Variants in SLC26A6 observed in about 807,000 individuals in gnomAD.
SLC26A6 encodes the protein anion exchange transporter.
A neutral mutation model predicts 87.1 loss-of-function variants in SLC26A6; 67 were observed. That is an observed-to-expected ratio of 0.77 (90% CI 0.63 to 0.94). SLC26A6 has a LOEUF of 0.94. Ranked by LOEUF, SLC26A6 falls within the 40% of genes least tolerant of loss-of-function variation. The probability of loss-of-function intolerance (pLI) is 0.00; values close to 1 mark genes in which losing one functional copy is unlikely to be tolerated. For missense variants in SLC26A6, 902 were observed against 973.0 expected, an observed-to-expected ratio of 0.93 and a Z score of 0.97; for synonymous variants, 414 against 405.9, an observed-to-expected ratio of 1.02 and a Z score of -0.24.
In SLC26A6 at chr3:48,626,694, G is replaced by A. The variant is rs1559463771; in HGVS notation, c.2074-9C>T. The A allele has an allele frequency of 1.2e-6, 2 of 1,614,066 alleles. No individual in the cohort carries two copies. The highest frequency in any genetic ancestry group is 1.7e-6 in the Non-Finnish European group (2 of 1,180,040). Reference sequence around the variant, plus strand: ...CGGAAGTCATGGAAAATCTGTAGCGGAAAAGGGGGCCAGCCTCAGAGGGAG... The same window carrying A: ...CGGAAGTCATGGAAAATCTGTAGCGAAAAAGGGGGCCAGCCTCAGAGGGAG... On this transcript the variant is annotated splice_polypyrimidine_tract_variant and intron_variant, in intron 18 of 20. Coordinates refer to ENST00000395550, the MANE Select transcript of SLC26A6 (RefSeq NM_022911.3).
At chr3:48,634,699 G>A (rs529059023) in intron 1 of SLC26A6, 2 of 984,810 alleles carry the variant, frequency 2.0e-6, no homozygotes, top group East Asian at 1.1e-4. Flanking sequence ...CTGACCTGGG[G>A]AGAGGATCCC....
At chr3:48,632,780 G>C in intron 4 of SLC26A6, 194 bp downstream of exon 4, 1 of 685,394 alleles carries the variant, frequency 1.5e-6, no homozygotes, top group Non-Finnish European at 2.6e-6. Flanking sequence ...CCAGGGCTTT[G>C]AGGTCACCTG....
chr3:48,631,850 C>G (rs1429214218), intron 6 of SLC26A6, 30 bp downstream of exon 6: 4 of 1,613,176 alleles, frequency 2.5e-6, no homozygotes, highest in Non-Finnish European at 3.4e-6. Context: ...TGGGGCACAC[C>G]TACCCCTCCC....
chr3:48,626,896 A>G lies in SLC26A6; in HGVS notation c.2053T>C (p.Cys685Arg). ...LGALSFVDTV[C>R]LKSLKNIFHD... ...CTTACATTCTTCAGGCTCTTGAGGC[A>G]CACAGTGTCCACAAAGGAGAGGGCA... Residue 685 changes from cysteine (C) to arginine (R), a missense_variant, in exon 18 of 21, where the codon TGC (cysteine) becomes CGC (arginine). Around this residue, in one of 3 missense-constraint regions of SLC26A6, gnomAD observed 99 missense variants for 100.1 expected, o/e 0.99. Transcript: ENST00000395550. 6.2e-7 allele frequency: 1 copy of G among 1,613,978 alleles called. No homozygotes were observed. The highest frequency in any genetic ancestry group is 8.5e-7 in the Non-Finnish European group (1 of 1,179,938).
Position 48,625,805 on chromosome 3 carries a change from T to C in SLC26A6, c.*181A>G, listed in dbSNP as rs1245713789. On this transcript the variant is annotated 3_prime_UTR_variant, in exon 21 of 21. Transcript: ENST00000395550. The surrounding 1 kb of genome is among the most constrained non-coding windows in gnomAD (Gnocchi z 4.7). ...CCGCGCCACTGCCAGCCTGACTGCATGCAGGCCCTGTCCCAGACCTGGAGC... is the reference window on the plus strand; with the variant it reads ...CCGCGCCACTGCCAGCCTGACTGCACGCAGGCCCTGTCCCAGACCTGGAGC... 8 of 707,454 alleles carry C rather than the reference T, an allele frequency of 1.1e-5. No homozygotes were observed. The Admixed American group carries it at 1.6e-4, about 14-fold the overall frequency. The allele number at this position is 707,454 out of a possible 1,614,324, so 43.8% of individuals were successfully genotyped here.
chr3:48,633,873 C>G, intron 1 of SLC26A6: 1 of 1,407,628 alleles, frequency 7.1e-7, no homozygotes, highest in Non-Finnish European at 9.2e-7. Context: ...CAAGTAGGGA[C>G]TGCAGGATGA....
chr3:48,627,400 G>C (rs892195699), intron 17 of SLC26A6: 1 of 286,738 alleles, frequency 3.5e-6, no homozygotes, highest in African/African-American at 2.2e-5. Context: ...CACATGAAAC[G>C]CATGCAGACA....
chr3:48,632,104 C>T (rs555023226), intron 5 of SLC26A6, 60 bp from the exon 6 acceptor site: 36 of 1,602,398 alleles, frequency 2.2e-5, no homozygotes, highest in East Asian at 2.2e-4. Context: ...TAATGAGGAG[C>T]GCAGGGCAAG....
In SLC26A6 at chr3:48,628,903, G is replaced by C. The variant is rs953909719; in HGVS notation, c.1600-189C>G. 2.0e-5 allele frequency among the ~76,000 whole-genome samples: 3 copies of C among 151,910 alleles called. No individual in the cohort carries two copies. Among genetic ancestry groups the C allele is most frequent in the African/African-American group, 7.3e-5 (3 of 41,342 alleles). ...ACGGTGTCATCCCCATCCCCCCACAGTGCCTCTCCCTCCCCACCTCTCCTG... is the reference window on the plus strand; with the variant it reads ...ACGGTGTCATCCCCATCCCCCCACACTGCCTCTCCCTCCCCACCTCTCCTG... On this transcript the variant is annotated intron_variant, in intron 14 of 20. Transcript: ENST00000395550. The surrounding 1 kb of genome is among the most constrained non-coding windows in gnomAD (Gnocchi z 4.4).
In SLC26A6 at chr3:48,631,133, G is replaced by A. The variant is rs2106663192; in HGVS notation, c.994C>T (p.Pro332Ser). 4 of 1,613,628 alleles carry A rather than the reference G, an allele frequency of 2.5e-6. No individual in the cohort carries two copies. The highest frequency in any genetic ancestry group is 1.3e-5 in the African/African-American group (1 of 75,044). The change falls in exon 9 of 21, where the codon CCC becomes TCC. Residue 332 changes from proline to serine, a missense_variant. Pro to Ser is a moderately conservative substitution (Grantham distance 74, BLOSUM62 -1). Transcript: ENST00000395550. ...AGCTGGGTGTTGGGGGCCACTGGGG[G>A]CACCAGCCTGTGAGAGGTATCTGTG... ...VVGNIPAGLVPPVAPNTQLFS... is the reference protein window; with the variant it reads ...VVGNIPAGLVSPVAPNTQLFS...
Position 48,633,276 on chromosome 3 carries a change from A to C in SLC26A6, c.297T>G (p.Ser99Arg), listed in dbSNP as rs1187125750. 3.1e-6 allele frequency: 5 copies of C among 1,613,336 alleles called. No individual in the cohort carries two copies. Among genetic ancestry groups the C allele is most frequent in the Non-Finnish European group, 4.2e-6 (5 of 1,179,942 alleles). The change falls in exon 3 of 21, where the codon AGT becomes AGG. Residue 99 changes from serine to arginine, a missense_variant. Ser to Arg is a moderately radical substitution (Grantham distance 110). Around this residue, in one of 3 missense-constraint regions of SLC26A6, gnomAD observed 800 missense variants for 856.8 expected, o/e 0.93. Coordinates refer to ENST00000395550, the MANE Select transcript of SLC26A6 (RefSeq NM_022911.3). ...WLLGDLLSGL[S>R]VAIMQLPQGL... Reference sequence around the variant, plus strand: ...CCTGCGGAAGCTGCATGATGGCCACACTCAGGCCGGATAACAGGTCACCCA... The same window carrying C: ...CCTGCGGAAGCTGCATGATGGCCACCCTCAGGCCGGATAACAGGTCACCCA...
chr3:48,628,431 T>TA lies in SLC26A6; in HGVS notation c.1800+2_1800+3insT. On this transcript the variant is annotated splice_region_variant and intron_variant, in intron 16 of 20. Transcript: ENST00000395550. The surrounding 1 kb of genome is among the most constrained non-coding windows in gnomAD (Gnocchi z 4.4). ...GGGGGTCACCAGACAAAAGGGGCCCTGCCTGTTTCCGAAGCTTCTCCTCTT... is the reference window on the plus strand; with the variant it reads ...GGGGGTCACCAGACAAAAGGGGCCCTAGCCTGTTTCCGAAGCTTCTCCTCTT... 1 of 1,613,868 alleles carries TA rather than the reference T, an allele frequency of 6.2e-7. No homozygotes were observed.
At position 48,633,408 on chromosome 3, in the gene SLC26A6, G is replaced by A; in HGVS notation, c.183-18C>T. On this transcript the variant is annotated intron_variant, in intron 2 of 20. Coordinates refer to ENST00000395550, the MANE Select transcript of SLC26A6 (RefSeq NM_022911.3). ...GGGAGCACCTAGGGACATGATATGA[G>A]GGGTAGGTGTCAGGAACAGGGGCTA... The A allele has an allele frequency of 6.2e-7, 1 of 1,613,010 alleles. No individual in the cohort carries two copies.
chr3:48,635,362 T>A lies in SLC26A6; in HGVS notation c.23+9A>T, dbSNP rs947276601. On this transcript the variant is annotated intron_variant, in intron 1 of 20. Transcript: ENST00000395550. The stretch of plus-strand genomic sequence containing the variant: ...GCGCGGGGCCACCGGGAATGTGCGC[T>A]GAACTCACCCCGACGCATCCGCCAG... 1.3e-6 allele frequency: 2 copies of A among 1,588,366 alleles called. No individual in the cohort carries two copies. Among genetic ancestry groups the A allele is most frequent in the Non-Finnish European group, 1.7e-6 (2 of 1,169,092 alleles).
Position 48,634,669 on chromosome 3 carries a change from G to A in SLC26A6, c.23+702C>T. The A allele has an allele frequency of 3.1e-6, 3 of 959,330 alleles. No homozygotes were observed. The South Asian group carries it at 1.4e-4, about 46-fold the overall frequency. The allele number at this position is 959,330 out of a possible 1,614,324, so 59.4% of individuals were successfully genotyped here. On this transcript the variant is annotated intron_variant, in intron 1 of 20. Coordinates refer to ENST00000395550, the MANE Select transcript of SLC26A6 (RefSeq NM_022911.3). ...GGGGAAGCTTTCACCAGTCAGGAAAGTTCTGATCTAGGAAAAGCCCTGACC... is the reference window on the plus strand; with the variant it reads ...GGGGAAGCTTTCACCAGTCAGGAAAATTCTGATCTAGGAAAAGCCCTGACC...
rs764807978 is a variant in SLC26A6, at chr3:48,630,693, G to A, written c.1162C>T (p.Leu388Phe). 40 of 1,602,448 alleles carry A rather than the reference G, an allele frequency of 2.5e-5. No homozygotes were observed. In the South Asian group the frequency reaches 2.7e-4, roughly 11 times the overall value. The change falls in exon 10 of 21, where the codon CTT (leucine) becomes TTT (phenylalanine). Residue 388 changes from leucine to phenylalanine, a missense_variant. By Grantham distance (22) the Leu-to-Phe change is conservative (BLOSUM62 0). This residue lies in a region of SLC26A6 where 800 missense variants were observed against 856.8 expected (regional missense o/e 0.93). Transcript: ENST00000395550. ...QELVALGLSNLIGGIFQCFPV... is the reference protein window; with the variant it reads ...QELVALGLSNFIGGIFQCFPV... ...AAGCACTGGAAGATGCCTCCGATAA[G>A]GTTACTGAGGCCCAGGGCCACCAGC...
At chr3:48,632,941 T>A (rs1168717952) in intron 4 of SLC26A6, 33 bp downstream of exon 4, 1 of 1,586,278 alleles carries the variant, frequency 6.3e-7, no homozygotes, top group Admixed American at 1.7e-5. Context: ...GATGTGGGCA[T>A]CCTCCTGGAA....
intron 14 of SLC26A6, 44 bp downstream of exon 14, chr3:48,629,598 C>G: frequency 6.4e-7 from 1 of 1,555,734 alleles, no homozygotes; most frequent in Non-Finnish European, 8.7e-7. Flanking sequence ...CATTCTTCCT[C>G]CGTCTCCCCA....
Position 48,631,917 on chromosome 3 carries a change from T to C in SLC26A6, c.713A>G (p.His238Arg). The stretch of plus-strand genomic sequence containing the variant: ...CAGTGGCCCAGAGTGGCTGCTCAGA[T>C]GGAGGCCAAACACATACTTGAGCTG... Reference protein sequence around the residue: ...VSQLKYVFGLHLSSHSGPLSL... With the variant: ...VSQLKYVFGLRLSSHSGPLSL... The change falls in exon 6 of 21, where the codon CAT (histidine) becomes CGT (arginine). Residue 238 changes from histidine (H) to arginine (R), a missense_variant. Transcript: ENST00000395550. 6.2e-7 allele frequency: 1 copy of C among 1,613,482 alleles called. No individual in the cohort carries two copies.
Sources: allele counts gnomAD v4.1 joint callset (sites outside exome capture counted in the v4.1 genomes callset), GRCh38; gene constraint gnomAD v4.1.1; regional missense constraint gnomAD v4.1.1; non-coding constraint Gnocchi (gnomAD v3.1); transcripts MANE v1.5; gene names NCBI Gene and HGNC (gene_info 2026-07-23, HGNC 2026-07-21).